EYS: variants seen among roughly 807,000 people sequenced by gnomAD.
EYS encodes the protein protein eyes shut homolog.
EYS carries 250 observed loss-of-function variants against 282.1 expected under a neutral mutation model. That is an observed-to-expected ratio of 0.89 (90% CI 0.80 to 0.98). EYS has a LOEUF of 0.98. Ranked by LOEUF, EYS falls within the 50% of genes least tolerant of loss-of-function variation. EYS has a pLI of 0.00. For synonymous variants in EYS, 1,355 were observed against 1,282.9 expected (o/e 1.06, Z -1.20); for missense variants, 4,016 against 3,709.0 (o/e 1.08, Z -2.15).
At chr6:63,734,353 C>G (rs1286942805) in intron 41 of EYS, among the ~76,000 whole-genome samples, 1 of 152,074 alleles carries the variant, frequency 6.6e-6, no homozygotes, top group African/African-American at 2.4e-5. Context: ...CTATTACATC[C>G]ATCAAGACTG....
At chr6:65,439,568 C>T (rs1768224688) in intron 5 of EYS, among the ~76,000 whole-genome samples, 1 of 152,090 alleles carries the variant, frequency 6.6e-6, no homozygotes, top group South Asian at 2.1e-4. Flanking sequence ...CCTCCACATC[C>T]CTTGTAAGTT....
intron 28 of EYS, among the ~76,000 whole-genome samples, chr6:64,423,033 G>C (rs1020791261): frequency 2.0e-5 from 3 of 151,880 alleles, no homozygotes; most frequent in Non-Finnish European, 4.4e-5. Context: ...TGCCTGTTTT[G>C]TAAATATTTA....
chr6:64,432,192 C>A (rs544357956), intron 28 of EYS, among the ~76,000 whole-genome samples: 2 of 152,002 alleles, frequency 1.3e-5, no homozygotes. Context: ...AATAAATTCT[C>A]CAGGAGACAG....
chr6:64,429,884 C>T (rs1774524045), intron 28 of EYS, among the ~76,000 whole-genome samples: 1 of 152,046 alleles, frequency 6.6e-6, no homozygotes, highest in Non-Finnish European at 1.5e-5. Flanking sequence ...TTATTTTGTT[C>T]AAGTTAAAGT....
At chr6:65,048,607 T>C (rs1773173961) in intron 13 of EYS, among the ~76,000 whole-genome samples, 1 of 151,842 alleles carries the variant, frequency 6.6e-6, no homozygotes, top group Non-Finnish European at 1.5e-5. Context: ...TAGAACTTTC[T>C]CCTATGCTTC....
intron 31 of EYS, among the ~76,000 whole-genome samples, chr6:64,193,263 A>G (rs931098547): frequency 1.3e-5 from 2 of 152,068 alleles, no homozygotes; most frequent in African/African-American, 2.4e-5. Flanking sequence ...ACTTGACTCT[A>G]TCTCTGCATA....
Position 64,066,595 on chromosome 6 carries a change from G to A in EYS, c.6572-104C>T. ...GCCATCAAAGACTAATGATTTAGGG[G>A]GTTGGTAGGAGTGCTATTAGATAAT... On this transcript the variant is annotated intron_variant, in intron 32 of 42. Coordinates refer to ENST00000503581, the MANE Select transcript of EYS (RefSeq NM_001142800.2). 1.2e-5 allele frequency: 9 copies of A among 780,514 alleles called. 1 individual carries two copies. In the South Asian group the frequency reaches 1.7e-4, roughly 14 times the overall value. The allele number at this position is 780,514 out of a possible 1,614,324, so 48.3% of individuals were successfully genotyped here.
intron 1 of EYS, among the ~76,000 whole-genome samples, chr6:65,703,704 C>T (rs1769766657): frequency 6.6e-6 from 1 of 151,906 alleles, no homozygotes; most frequent in Admixed American, 6.6e-5. Context: ...AAGAAAGCTC[C>T]TAGAAGAAAT....
At chr6:64,535,055 C>T (rs1385556219) in intron 26 of EYS, among the ~76,000 whole-genome samples, 1 of 152,152 alleles carries the variant, frequency 6.6e-6, no homozygotes, top group Non-Finnish European at 1.5e-5. Context: ...TGAGATGCAG[C>T]TCATTCTACT....
intron 36 of EYS, among the ~76,000 whole-genome samples, chr6:63,861,517 T>C (rs1772530938): frequency 6.6e-6 from 1 of 152,174 alleles, no homozygotes; most frequent in East Asian, 1.9e-4. Flanking sequence ...CATCTGGAAA[T>C]AAAAGTTAAA....
At chr6:65,433,805 C>G (rs2150386258) in intron 5 of EYS, among the ~76,000 whole-genome samples, 1 of 152,012 alleles carries the variant, frequency 6.6e-6, no homozygotes, top group Admixed American at 6.6e-5. Flanking sequence ...CGATTTGGCT[C>G]TTTAATTAAT....
intron 33 of EYS, among the ~76,000 whole-genome samples, chr6:64,009,191 T>C (rs1177096864): frequency 6.6e-6 from 1 of 152,192 alleles, no homozygotes; most frequent in Non-Finnish European, 1.5e-5. Context: ...TATTTTTGTC[T>C]GACTGAGTTA....
chr6:65,548,607 C>G (rs1768478761), intron 2 of EYS, among the ~76,000 whole-genome samples: 1 of 152,190 alleles, frequency 6.6e-6, no homozygotes, highest in East Asian at 1.9e-4. Flanking sequence ...CTGTATCTGT[C>G]TGATTCCCGG....
At chr6:64,833,936 G>A (rs541474728) in intron 19 of EYS, among the ~76,000 whole-genome samples, 3 of 151,998 alleles carry the variant, frequency 2.0e-5, no homozygotes, top group East Asian at 1.9e-4. Context: ...CCAAGTAACT[G>A]GAGATCAATG....
At chr6:64,225,737 G>A (rs535713128) in intron 31 of EYS, among the ~76,000 whole-genome samples, 3 of 152,202 alleles carry the variant, frequency 2.0e-5, no homozygotes, top group South Asian at 2.1e-4. Flanking sequence ...GTCTCCAGCT[G>A]AGCCCAGTGT....
At chr6:64,152,329 G>C (rs1012891575) in intron 31 of EYS, among the ~76,000 whole-genome samples, 2 of 152,122 alleles carry the variant, frequency 1.3e-5, no homozygotes, top group African/African-American at 4.8e-5. Flanking sequence ...TTATCACTCT[G>C]GGTATTTTCT....
At chr6:65,128,957 C>A (rs2150201179) in intron 12 of EYS, among the ~76,000 whole-genome samples, 1 of 151,900 alleles carries the variant, frequency 6.6e-6, no homozygotes, top group Middle Eastern at 3.4e-3. Context: ...GGAACTGGTA[C>A]AATAGACACA....
intron 33 of EYS, among the ~76,000 whole-genome samples, chr6:64,058,220 G>C (rs1267185257): frequency 6.6e-6 from 1 of 151,482 alleles, no homozygotes; most frequent in Non-Finnish European, 1.5e-5. Context: ...CTTCTGCCAT[G>C]ATTGTGAGGC....
chr6:64,571,520 T>C (rs1428665108), intron 26 of EYS, among the ~76,000 whole-genome samples: 1 of 152,010 alleles, frequency 6.6e-6, no homozygotes, highest in African/African-American at 2.4e-5. Context: ...ACAAAATAGA[T>C]ATATCACTAG....
Sources: allele counts gnomAD v4.1 joint callset (sites outside exome capture counted in the v4.1 genomes callset), GRCh38; gene constraint gnomAD v4.1.1; transcripts MANE v1.5; gene names NCBI Gene and HGNC (gene_info 2026-07-23, HGNC 2026-07-21).